Variants in NCOA2 observed in about 807,000 individuals in gnomAD.
NCOA2 encodes nuclear receptor coactivator 2.
In NCOA2, 21 loss-of-function variants were observed where a neutral mutation model predicts 145.1. The observed-to-expected ratio is 0.14, with a 90% CI of 0.10 to 0.21. NCOA2 has a LOEUF of 0.21. NCOA2 is among the 10% of genes least tolerant of loss of function. The probability of loss-of-function intolerance (pLI) is 1.00; values close to 1 mark genes in which losing one functional copy is unlikely to be tolerated. For missense variants in NCOA2, 1,472 were observed against 1,837.6 expected, an observed-to-expected ratio of 0.80 and a Z score of 3.64; for synonymous variants, 619 against 637.5, an observed-to-expected ratio of 0.97 and a Z score of 0.44.
At chr8:70,305,049 C>CTT (rs780225619) in intron 1 of NCOA2, among the ~76,000 whole-genome samples, 13 of 128,374 alleles carry the variant, frequency 1.0e-4, no homozygotes, top group African/African-American at 3.8e-4. Context: ...TTTATTCATT[C>CTT]TTTTTTTTTT....
chr8:70,117,676 G>A (rs149941549), intron 22 of NCOA2, among the ~76,000 whole-genome samples: 280 of 152,330 alleles, frequency 1.8e-3, no homozygotes, highest in Non-Finnish European at 2.8e-3. Context: ...TGGCAGGAGG[G>A]TGCAGGGGTT....
chr8:70,291,125 T>C lies in NCOA2; in HGVS notation c.-20+5619A>G, dbSNP rs77940508. Among the ~76,000 whole-genome samples, 896 of 152,300 alleles carry C rather than the reference T, an allele frequency of 5.9e-3. 5 individuals are homozygous for C. Among genetic ancestry groups the C allele is most frequent in the African/African-American group, 0.02 (832 of 41,558 alleles). ...GACAAGTGGAATATTCAAGTTTGAATTGAACCCTAAGGACCAACAACAAAA... is the reference window on the plus strand; with the variant it reads ...GACAAGTGGAATATTCAAGTTTGAACTGAACCCTAAGGACCAACAACAAAA... On this transcript the variant is annotated intron_variant, in intron 2 of 22. Coordinates refer to ENST00000452400, the MANE Select transcript of NCOA2 (RefSeq NM_006540.4).
chr8:70,249,586 T>C (rs1159539615), intron 2 of NCOA2, among the ~76,000 whole-genome samples: 1 of 152,146 alleles, frequency 6.6e-6, no homozygotes, highest in Non-Finnish European at 1.5e-5. Context: ...GTGCATAGCA[T>C]AGGAAGACAT....
the NCOA2 span, among the ~76,000 whole-genome samples, chr8:70,411,739 C>T: frequency 6.6e-6 from 1 of 152,262 alleles, no homozygotes; most frequent in South Asian, 2.1e-4. Context: ...CAAAAGAACA[C>T]TACTATATGA....
intron 1 of NCOA2, among the ~76,000 whole-genome samples, chr8:70,365,764 C>G (rs1810634251): frequency 6.6e-6 from 1 of 152,112 alleles, no homozygotes; most frequent in Non-Finnish European, 1.5e-5. Context: ...ACAGAAAACA[C>G]TGCTCTAAGT....
At chr8:70,171,737 A>G (rs763876828) in intron 5 of NCOA2, among the ~76,000 whole-genome samples, 1 of 152,196 alleles carries the variant, frequency 6.6e-6, no homozygotes, top group African/African-American at 2.4e-5. Context: ...ATCATAGCTC[A>G]CTGCAGCCTT....
intron 1 of NCOA2, among the ~76,000 whole-genome samples, chr8:70,333,637 G>A (rs941000357): frequency 3.3e-5 from 5 of 152,134 alleles, no homozygotes; most frequent in Non-Finnish European, 5.9e-5. Flanking sequence ...CACTGGCCTA[G>A]GCACACCAGT....
intron 1 of NCOA2, among the ~76,000 whole-genome samples, chr8:70,348,151 G>A (rs1218932531): frequency 6.6e-6 from 1 of 152,188 alleles, no homozygotes; most frequent in Non-Finnish European, 1.5e-5. Context: ...ATAAAGAAAA[G>A]TGTTTTGTGG....
intron 9 of NCOA2, among the ~76,000 whole-genome samples, chr8:70,160,659 C>CAGAGAGAGAG (rs776025101): frequency 0.021 from 2,711 of 131,962 alleles, 47 homozygotes; most frequent in African/African-American, 0.034. Context: ...AAGTGAGAGA[C>CAGAGAGAGAG]AGAGAGAGAG....
chr8:70,146,065 A>C (rs1811031543), intron 12 of NCOA2, among the ~76,000 whole-genome samples: 2 of 152,208 alleles, frequency 1.3e-5, no homozygotes. Flanking sequence ...TATATCACCA[A>C]ACCTATACAT....
At chr8:70,410,177 T>TA in the NCOA2 span, among the ~76,000 whole-genome samples, 2 of 152,072 alleles carry the variant, frequency 1.3e-5, no homozygotes, top group Non-Finnish European at 2.9e-5. Context: ...GCCAGTGCAC[T>TA]ACAGCCTGAG....
At position 70,200,968 on chromosome 8, in the gene NCOA2, A is replaced by G. The variant is rs185670625; in HGVS notation, c.259+12935T>C. Among the ~76,000 whole-genome samples the G allele has an allele frequency of 3.2e-3, 468 of 147,364 alleles. 1 individual carries two copies. The highest frequency in any genetic ancestry group is 5.6e-3 in the Non-Finnish European group (375 of 67,082). On this transcript the variant is annotated intron_variant, in intron 4 of 22. Transcript: ENST00000452400. The stretch of plus-strand genomic sequence containing the variant: ...GAGGCTGAGGTGGGAGAATCACTTG[A>G]GCCCAGGAAGTCAAGGGGCTGCGGT...
chr8:70,275,911 G>A (rs994904775), intron 2 of NCOA2, among the ~76,000 whole-genome samples: 1 of 152,218 alleles, frequency 6.6e-6, no homozygotes, highest in African/African-American at 2.4e-5. Context: ...GTAGCTGGTA[G>A]TATAGCAGAA....
At chr8:70,443,844 C>T in the NCOA2 span, among the ~76,000 whole-genome samples, 1 of 152,064 alleles carries the variant, frequency 6.6e-6, no homozygotes, top group African/African-American at 2.4e-5. Flanking sequence ...CAAAGTGCTG[C>T]AATTACCGGC....
At chr8:70,330,080 C>G (rs1806951544) in intron 1 of NCOA2, among the ~76,000 whole-genome samples, 1 of 152,130 alleles carries the variant, frequency 6.6e-6, no homozygotes, top group Non-Finnish European at 1.5e-5. Flanking sequence ...CTTACCACTT[C>G]CAACTGCCTT....
rs1586701560 is a variant in NCOA2, at chr8:70,403,791, C to T, written c.-168G>A. 3 of 397,852 alleles carry T rather than the reference C, an allele frequency of 7.5e-6. No homozygotes were observed. The East Asian group carries it at 1.1e-4, about 14-fold the overall frequency. 24.6% of individuals were successfully genotyped at this position (397,852 alleles called of 1,614,324 possible). A position where few individuals can be genotyped will look rare whatever the true frequency, so the allele number is the denominator to read the frequency against. Reference sequence around the variant, plus strand: ...TAGCCGAGGCTGCGGCCGCCATGTTCCCGTGTTAATAACTGCTGCCTGGTT... The same window carrying T: ...TAGCCGAGGCTGCGGCCGCCATGTTTCCGTGTTAATAACTGCTGCCTGGTT... On this transcript the variant is annotated 5_prime_UTR_variant, in exon 1 of 23. Coordinates refer to ENST00000452400, the MANE Select transcript of NCOA2 (RefSeq NM_006540.4).
At chr8:70,174,436 T>A (rs1814605259) in intron 5 of NCOA2, among the ~76,000 whole-genome samples, 1 of 152,212 alleles carries the variant, frequency 6.6e-6, no homozygotes, top group South Asian at 2.1e-4. Flanking sequence ...TTTGAGAACA[T>A]TTCAAGCTAA....
chr8:70,148,104 G>A (rs1350476848), intron 12 of NCOA2, among the ~76,000 whole-genome samples, 169 bp downstream of exon 12: 3 of 152,176 alleles, frequency 2.0e-5, no homozygotes, highest in African/African-American at 4.8e-5. Flanking sequence ...CCATGCTCAG[G>A]AGGATCCATT....
At chr8:70,163,376 T>C in intron 8 of NCOA2, 89 bp downstream of exon 8, 1 of 917,646 alleles carries the variant, frequency 1.1e-6, no homozygotes, top group Non-Finnish European at 1.7e-6. Context: ...ACTAGCATCC[T>C]TACAGTCTTC....
Sources: allele counts gnomAD v4.1 joint callset (sites outside exome capture counted in the v4.1 genomes callset), GRCh38; gene constraint gnomAD v4.1.1; transcripts MANE v1.5; gene names NCBI Gene and HGNC (gene_info 2026-07-23, HGNC 2026-07-21).